The following CCDC141 variants were observed in gnomAD, a reference collection of about 807,000 sequenced individuals.
CCDC141 encodes the protein coiled-coil domain-containing protein 141.
A neutral mutation model predicts 181.0 loss-of-function variants in CCDC141; 168 were observed. The ratio of observed to expected loss-of-function variants is 0.93; its 90% confidence interval spans 0.82 to 1.05. The LOEUF (loss-of-function observed/expected upper bound fraction) is 1.05. Among genes scored for constraint, CCDC141 ranks in the 50% least tolerant of loss-of-function variants. The pLI, the probability that CCDC141 is intolerant of heterozygous loss-of-function variation, is 0.00. For synonymous variants in CCDC141, 666 were observed against 642.3 expected (o/e 1.04, Z -0.56); for missense variants, 1,902 against 1,788.5 (o/e 1.06, Z -1.14).
intron 5 of CCDC141, among the ~76,000 whole-genome samples, chr2:178,948,818 C>T (rs971122015): frequency 7.9e-5 from 12 of 152,154 alleles, no homozygotes; most frequent in Non-Finnish European, 1.6e-4. Context: ...CTTCACCTTC[C>T]GCCATGGGTG....
At chr2:178,932,266 C>T (rs564068972) in intron 6 of CCDC141, among the ~76,000 whole-genome samples, 1 of 152,168 alleles carries the variant, frequency 6.6e-6, no homozygotes, top group Non-Finnish European at 1.5e-5. Flanking sequence ...ACAATTGTTA[C>T]CCCTTTCACA....
At chr2:179,035,329 C>A (rs148066032) in intron 2 of CCDC141, among the ~76,000 whole-genome samples, 1 of 152,196 alleles carries the variant, frequency 6.6e-6, no homozygotes, top group African/African-American at 2.4e-5. Context: ...ACTGTCTTCC[C>A]ATAAAAACTC....
At chr2:178,945,232 A>G (rs886403324) in intron 5 of CCDC141, among the ~76,000 whole-genome samples, 1 of 152,154 alleles carries the variant, frequency 6.6e-6, no homozygotes, top group African/African-American at 2.4e-5. Flanking sequence ...AATAATCTGT[A>G]CCTTTCTAAA....
At position 178,837,156 on chromosome 2, in the gene CCDC141, A is replaced by T. The variant is rs779036896; in HGVS notation, c.4063T>A (p.Phe1355Ile). Reference protein sequence around the residue: ...TREKMHADNNFTKTQDRLHAS... With the variant: ...TREKMHADNNITKTQDRLHAS... ...TGCAGCCTATCTTGGGTTTTAGTGA[A>T]GTTATTATCAGCATGCATTTTCTCC... The change falls in exon 23 of 24, where the codon TTC becomes ATC. Residue 1355 changes from phenylalanine (F) to isoleucine (I), a missense_variant. Physicochemically the swap from Phe to Ile is conservative, Grantham distance 21 (BLOSUM62 0). Coordinates refer to ENST00000443758, the MANE Select transcript of CCDC141 (RefSeq NM_173648.4). The T allele has an allele frequency of 3.7e-6, 6 of 1,613,938 alleles. No homozygotes were observed. Among genetic ancestry groups the T allele is most frequent in the Non-Finnish European group, 5.1e-6 (6 of 1,179,958 alleles).
chr2:178,833,942 T>C lies in CCDC141; in HGVS notation c.*231A>G, dbSNP rs1039719899. 1.8e-5 allele frequency: 9 copies of C among 499,480 alleles called. No homozygotes were observed. The highest frequency in any genetic ancestry group is 3.2e-5 in the Non-Finnish European group (9 of 281,376). 30.9% of individuals were successfully genotyped at this position (499,480 alleles called of 1,614,324 possible). A position where few individuals can be genotyped will look rare whatever the true frequency, so the allele number is the denominator to read the frequency against. On this transcript the variant is annotated 3_prime_UTR_variant, in exon 24 of 24. Transcript: ENST00000443758. The stretch of plus-strand genomic sequence containing the variant: ...ATGTTGAAAACATCTGTTTCTAGAG[T>C]ACAAAAATCTGTTCTTATCCACTAC...
At chr2:178,959,330 A>G (rs976267752) in intron 5 of CCDC141, among the ~76,000 whole-genome samples, 1 of 147,732 alleles carries the variant, frequency 6.8e-6, no homozygotes, top group Admixed American at 6.7e-5. Flanking sequence ...AACACTACAG[A>G]AAAAAAAAAG....
At position 178,965,468 on chromosome 2, in the gene CCDC141, T is replaced by C. The variant is rs908088148; in HGVS notation, c.527-3985A>G. 6.6e-5 allele frequency among the ~76,000 whole-genome samples: 10 copies of C among 152,142 alleles called. No homozygotes were observed. The East Asian group carries it at 1.7e-3, about 26-fold the overall frequency. Reference sequence around the variant, plus strand: ...CTCGTTGGACAGTGGGTGAAGCCCATGGAAGGCGAGCCAAAGCAGGATGGG... The same window carrying C: ...CTCGTTGGACAGTGGGTGAAGCCCACGGAAGGCGAGCCAAAGCAGGATGGG... On this transcript the variant is annotated intron_variant, in intron 4 of 23. Transcript: ENST00000443758.
chr2:178,843,072 A>G (rs1034840341), intron 22 of CCDC141, among the ~76,000 whole-genome samples: 5 of 152,172 alleles, frequency 3.3e-5, no homozygotes, highest in African/African-American at 1.2e-4. Flanking sequence ...TTTCCATGCT[A>G]TTGCTTATAA....
intron 5 of CCDC141, among the ~76,000 whole-genome samples, chr2:178,951,333 G>A (rs1689945225): frequency 6.6e-6 from 1 of 152,180 alleles, no homozygotes; most frequent in South Asian, 2.1e-4. Flanking sequence ...AACTACTTAG[G>A]AGTGGGACCA....
chr2:178,963,657 GAC>G (rs1690499946), intron 4 of CCDC141, among the ~76,000 whole-genome samples: 1 of 150,918 alleles, frequency 6.6e-6, no homozygotes, highest in Non-Finnish European at 1.5e-5. Flanking sequence ...TCTTTCAATT[GAC>G]ACTTTTTTTT....
chr2:178,998,174 A>T (rs1173260792), intron 2 of CCDC141, among the ~76,000 whole-genome samples: 1 of 152,158 alleles, frequency 6.6e-6, no homozygotes, highest in Admixed American at 6.5e-5. Context: ...GAACATTCTC[A>T]ATCAACAGGG....
chr2:179,050,033 A>G lies in CCDC141; in HGVS notation c.-92T>C. The G allele has an allele frequency of 6.5e-7, 1 of 1,533,042 alleles. No individual in the cohort carries two copies. Among genetic ancestry groups the G allele is most frequent in the South Asian group, 1.2e-5 (1 of 81,910 alleles). The allele number at this position is 1,533,042 out of a possible 1,614,324, so 95.0% of individuals were successfully genotyped here. ...CAGAAGGCCAGGGTTACTTGGATTCATTCAGGGAAAGAGCTCAGCTCACAC... is the reference window on the plus strand; with the variant it reads ...CAGAAGGCCAGGGTTACTTGGATTCGTTCAGGGAAAGAGCTCAGCTCACAC... On this transcript the variant is annotated 5_prime_UTR_variant, in exon 1 of 24. The change abolishes an upstream ATG in the 5' untranslated region. Transcript: ENST00000443758.
intron 5 of CCDC141, among the ~76,000 whole-genome samples, chr2:178,956,239 G>C (rs1690155895): frequency 6.6e-6 from 1 of 152,194 alleles, no homozygotes; most frequent in African/African-American, 2.4e-5. Flanking sequence ...CACTGTCGCT[G>C]CTGTTAACAA....
chr2:178,855,290 C>T, intron 19 of CCDC141, 57 bp downstream of exon 19: 1 of 1,463,714 alleles, frequency 6.8e-7, no homozygotes, highest in South Asian at 1.3e-5. Context: ...TTTAAAGTTG[C>T]AAAATGATTT....
chr2:178,971,334 T>C (rs984723931), intron 4 of CCDC141, among the ~76,000 whole-genome samples: 4 of 152,260 alleles, frequency 2.6e-5, no homozygotes, highest in Admixed American at 2.6e-4. Flanking sequence ...TCGTCATCAC[T>C]GGTCATTAGA....
In CCDC141 at chr2:178,834,083, G is replaced by A. The variant is rs1684369927; in HGVS notation, c.*90C>T. ...GATCAGACTGGAGATACACTTGGTG[G>A]GAGATGCTTTGCAGGAGGTGCAGGA... On this transcript the variant is annotated 3_prime_UTR_variant, in exon 24 of 24. Coordinates refer to ENST00000443758, the MANE Select transcript of CCDC141 (RefSeq NM_173648.4). 11 of 1,279,972 alleles carry A rather than the reference G, an allele frequency of 8.6e-6. 1 individual carries two copies. The South Asian group carries it at 1.5e-4, about 18-fold the overall frequency. 79.3% of individuals were successfully genotyped at this position (1,279,972 alleles called of 1,614,324 possible).
Position 178,837,164 on chromosome 2 carries a change from T to G in CCDC141, c.4055A>C (p.Asp1352Ala). The stretch of plus-strand genomic sequence containing the variant: ...ATCTTGGGTTTTAGTGAAGTTATTA[T>G]CAGCATGCATTTTCTCCCGTGTTTC... ...LLETREKMHA[D>A]NNFTKTQDRL... Residue 1352 changes from aspartate to alanine, a missense_variant, in exon 23 of 24, where the codon GAT (aspartate) becomes GCT (alanine). Coordinates refer to ENST00000443758, the MANE Select transcript of CCDC141 (RefSeq NM_173648.4). The G allele has an allele frequency of 6.2e-7, 1 of 1,613,952 alleles. No individual in the cohort carries two copies. Among genetic ancestry groups the G allele is most frequent in the African/African-American group, 1.3e-5 (1 of 75,038 alleles).
intron 6 of CCDC141, among the ~76,000 whole-genome samples, chr2:178,933,560 C>T (rs1027232526): frequency 6.6e-6 from 1 of 152,158 alleles, no homozygotes; most frequent in African/African-American, 2.4e-5. Flanking sequence ...GATTAATAAC[C>T]TCCATCTCGA....
chr2:179,003,294 G>A (rs998474885), intron 2 of CCDC141, among the ~76,000 whole-genome samples: 3 of 152,158 alleles, frequency 2.0e-5, no homozygotes, highest in South Asian at 2.1e-4. Flanking sequence ...GCCACATTGT[G>A]AAATAAACCT....
Sources: allele counts gnomAD v4.1 joint callset (sites outside exome capture counted in the v4.1 genomes callset), GRCh38; gene constraint gnomAD v4.1.1; transcripts MANE v1.5; gene names NCBI Gene and HGNC (gene_info 2026-07-23, HGNC 2026-07-21).